The following OTUD7A variants were observed in gnomAD, a reference collection of about 807,000 sequenced individuals.
The protein encoded by OTUD7A is OTU domain-containing protein 7A.
In OTUD7A, 12 loss-of-function variants were observed where a neutral mutation model predicts 65.7. The ratio of observed to expected loss-of-function variants is 0.18; its 90% CI spans 0.12 to 0.30. The LOEUF (loss-of-function observed/expected upper bound fraction) is 0.30. Among genes scored for constraint, OTUD7A ranks in the 10% least tolerant of loss-of-function variants. The pLI, the probability that OTUD7A is intolerant of heterozygous loss-of-function variation, is 1.00. For missense variants in OTUD7A, 1,148 were observed against 1,304.8 expected (o/e 0.88, Z 1.85); for synonymous variants, 641 against 586.3 (o/e 1.09, Z -1.35).
At chr15:31,573,367 G>A (rs1889109572) in intron 3 of OTUD7A, among the ~76,000 whole-genome samples, 1 of 152,196 alleles carries the variant, frequency 6.6e-6, no homozygotes, top group African/African-American at 2.4e-5. Flanking sequence ...AATAGAGGAT[G>A]AACTCCAGCC....
intron 1 of OTUD7A, among the ~76,000 whole-genome samples, chr15:31,663,002 T>C (rs1363082438): frequency 6.6e-6 from 1 of 152,178 alleles, no homozygotes; most frequent in Non-Finnish European, 1.5e-5. Flanking sequence ...ATTTTCAGTT[T>C]TTTTTAGTTT....
intron 4 of OTUD7A, among the ~76,000 whole-genome samples, chr15:31,560,447 C>T (rs1888653631): frequency 6.6e-6 from 1 of 152,196 alleles, no homozygotes; most frequent in African/African-American, 2.4e-5. Context: ...AGTCGATTAC[C>T]TAGAAAGTAG....
In OTUD7A at chr15:31,703,290, A is replaced by AG. The variant is rs1256357600; in HGVS notation, c.-99-46214_-99-46213insC. ...ACTTTTTGTTCTGTGAAAGAGAGTA[A>AG]AAAGACCAGCTACTGACTGGGAGAA... On this transcript the variant is annotated intron_variant, in intron 1 of 12. Coordinates refer to ENST00000307050, the MANE Select transcript of OTUD7A (RefSeq NM_001382637.1). Among the ~76,000 whole-genome samples, 25 of 152,332 alleles carry AG rather than the reference A, an allele frequency of 1.6e-4. 1 individual carries two copies. The highest frequency in any genetic ancestry group is 6.8e-3 in the Middle Eastern group (2 of 294).
chr15:31,697,842 T>G (rs1346062671), intron 1 of OTUD7A, among the ~76,000 whole-genome samples: 1 of 152,182 alleles, frequency 6.6e-6, no homozygotes, highest in African/African-American at 2.4e-5. Flanking sequence ...TTGTGCCACT[T>G]CTCGAAATGT....
intron 1 of OTUD7A, among the ~76,000 whole-genome samples, chr15:31,828,830 A>T (rs1206282662): frequency 6.6e-6 from 1 of 151,952 alleles, no homozygotes; most frequent in Non-Finnish European, 1.5e-5. Flanking sequence ...TGCCTCCCGC[A>T]TCTCCCTCTC....
At chr15:31,554,163 C>T (rs7182960) in intron 5 of OTUD7A, among the ~76,000 whole-genome samples, 4,370 of 152,264 alleles carry the variant, frequency 0.029, 210 homozygotes, top group African/African-American at 0.099. Flanking sequence ...AGCGGCATCC[C>T]GGGATTCCCT....
intron 1 of OTUD7A, among the ~76,000 whole-genome samples, chr15:31,663,123 C>A (rs1892213659): frequency 1.3e-5 from 2 of 149,884 alleles, no homozygotes; most frequent in Non-Finnish European, 1.5e-5. Context: ...TTGATTAATG[C>A]ATTCAATATA....
At chr15:31,779,296 C>A (rs773274878) in intron 1 of OTUD7A, among the ~76,000 whole-genome samples, 2 of 152,190 alleles carry the variant, frequency 1.3e-5, no homozygotes, top group Admixed American at 6.5e-5. Flanking sequence ...CCTCAGGAAT[C>A]GTCACGCTGG....
chr15:31,628,683 C>T (rs1223708058), intron 3 of OTUD7A, among the ~76,000 whole-genome samples: 5 of 152,034 alleles, frequency 3.3e-5, no homozygotes, highest in Non-Finnish European at 7.4e-5. Context: ...TTACCTTGGG[C>T]AGTATGGCCA....
At chr15:31,863,895 CT>C (rs1897810789) in intron 1 of OTUD7A, among the ~76,000 whole-genome samples, 1 of 152,162 alleles carries the variant, frequency 6.6e-6, no homozygotes, top group South Asian at 2.1e-4. Context: ...CTCTCTTTCC[CT>C]TTTAAAATGG....
chr15:31,606,563 C>A (rs902600262), intron 3 of OTUD7A, among the ~76,000 whole-genome samples: 4 of 152,136 alleles, frequency 2.6e-5, no homozygotes, highest in African/African-American at 9.7e-5. Context: ...CCCTATACTG[C>A]AAATATGTAC....
intron 1 of OTUD7A, among the ~76,000 whole-genome samples, chr15:31,867,824 C>T (rs1374600580): frequency 6.6e-6 from 1 of 152,022 alleles, no homozygotes; most frequent in Admixed American, 6.5e-5. Context: ...TTCCAGACTC[C>T]ACAACCTCTG....
chr15:31,646,934 T>G (rs1368829526), intron 3 of OTUD7A, among the ~76,000 whole-genome samples: 1 of 152,190 alleles, frequency 6.6e-6, no homozygotes. Context: ...ATGGGTCTGT[T>G]TAAGAGTATT....
intron 3 of OTUD7A, among the ~76,000 whole-genome samples, chr15:31,608,902 G>A (rs965793477): frequency 2.1e-4 from 32 of 152,192 alleles, no homozygotes; most frequent in African/African-American, 7.2e-4. Context: ...CCTGGTAGAT[G>A]CCCCAAATAC....
intron 1 of OTUD7A, among the ~76,000 whole-genome samples, chr15:31,700,535 G>A (rs1356337533): frequency 6.6e-6 from 1 of 152,158 alleles, no homozygotes; most frequent in Non-Finnish European, 1.5e-5. Context: ...CTTTCTCTGT[G>A]AATCAGTCTT....
At chr15:31,636,538 T>C (rs1891347609) in intron 3 of OTUD7A, among the ~76,000 whole-genome samples, 3 of 152,080 alleles carry the variant, frequency 2.0e-5, no homozygotes, top group Non-Finnish European at 4.4e-5. Context: ...AAATGTCAAG[T>C]TGTTCAAATG....
At chr15:31,655,002 T>C in intron 3 of OTUD7A, 94 bp downstream of exon 3, 6 of 1,441,902 alleles carry the variant, frequency 4.2e-6, no homozygotes, top group Non-Finnish European at 3.7e-6. Flanking sequence ...CACTTAGTGC[T>C]CAAGTACCAC....
intron 1 of OTUD7A, among the ~76,000 whole-genome samples, chr15:31,674,400 G>A (rs1839055347): frequency 6.6e-6 from 1 of 152,180 alleles, no homozygotes; most frequent in South Asian, 2.1e-4. Context: ...ACATGCTTTA[G>A]GAAAATAAAT....
rs2041255382 is a variant in OTUD7A at position 31,487,517 on chromosome 15, A to G, written c.1221T>C (p.Phe407=). 1 of 1,614,092 alleles carries G rather than the reference A, an allele frequency of 6.2e-7. No homozygotes were observed. Among genetic ancestry groups the G allele is most frequent in the Non-Finnish European group, 8.5e-7 (1 of 1,180,024 alleles). The part of the protein sequence containing the change: ...DSEHKLLPLH[F]AVDPGKDWEW... ...CCCAGTCCTTGCCAGGGTCCACTGC[A>G]AAGTGCAGAGGCAGCAGCTTGTGCT... Residue 407 remains phenylalanine (F), a synonymous_variant, in exon 11 of 13, where the codon TTT becomes TTC. Coordinates refer to ENST00000307050, the MANE Select transcript of OTUD7A (RefSeq NM_001382637.1). This position sits in a 1 kb window ranked among gnomAD's most constrained non-coding sequence, Gnocchi z 6.0.
Sources: gnomAD v4.1 joint callset for allele counts (sites outside exome capture counted in the v4.1 genomes callset) on GRCh38, gnomAD v4.1.1 for gene constraint, Gnocchi (gnomAD v3.1) non-coding constraint, MANE v1.5 for transcripts, NCBI Gene and HGNC (gene_info 2026-07-23, HGNC 2026-07-21) for gene names.